The following ALG12 variants were observed in gnomAD, a reference collection of about 807,000 sequenced individuals.
ALG12 encodes ALG12 alpha-1,6-mannosyltransferase, also known as dol-P-Man:Man(7)GlcNAc(2)-PP-Dol alpha-1,6-mannosyltransferase.
In ALG12, 36 loss-of-function variants were observed where a neutral mutation model predicts 46.0. That is an observed-to-expected ratio of 0.78 (90% CI 0.60 to 1.03). The LOEUF is 1.03. ALG12 is among the 50% of genes least tolerant of loss of function. ALG12 has a pLI of 0.00. For synonymous variants in ALG12, 326 were observed against 291.6 expected (o/e 1.12, Z -1.20); for missense variants, 599 against 633.5 (o/e 0.95, Z 0.58).
chr22:49,869,990 C>G, the ALG12 span, among the ~76,000 whole-genome samples: 8 of 152,134 alleles, frequency 5.3e-5, no homozygotes, highest in Non-Finnish European at 8.8e-5. Flanking sequence ...ACTCCTCACT[C>G]TCGCAGTCCC....
At chr22:49,885,708 C>T in the ALG12 span, 2 of 1,608,536 alleles carry the variant, frequency 1.2e-6, no homozygotes, top group South Asian at 1.1e-5. Flanking sequence ...TTGGCTTTAA[C>T]AGGCTGCTTG....
the ALG12 span, chr22:49,886,987 G>A: frequency 6.2e-7 from 1 of 1,614,086 alleles, no homozygotes; most frequent in Non-Finnish European, 8.5e-7. This position sits in a 1 kb window ranked among gnomAD's most constrained non-coding sequence, Gnocchi z 7.7. Flanking sequence ...CCTGAAGAAG[G>A]CGTCCTGGCC....
chr22:49,871,793 C>T, the ALG12 span, among the ~76,000 whole-genome samples: 3 of 148,714 alleles, frequency 2.0e-5, no homozygotes, highest in African/African-American at 4.9e-5. Flanking sequence ...CTTACTCTGT[C>T]GCCCAGGGTG....
the ALG12 span, chr22:49,885,237 T>G: frequency 6.2e-7 from 1 of 1,611,248 alleles, no homozygotes; most frequent in Non-Finnish European, 8.5e-7. Context: ...ACTCTCCGTA[T>G]GCCACTTTGG....
At chr22:49,878,652 C>A in the ALG12 span, among the ~76,000 whole-genome samples, 3 of 152,204 alleles carry the variant, frequency 2.0e-5, no homozygotes, top group African/African-American at 7.2e-5. Flanking sequence ...GCAAAGATTT[C>A]TTTGGTACAA....
intron 1 of ALG12, among the ~76,000 whole-genome samples, chr22:49,914,691 G>A (rs1052919266): frequency 1.3e-5 from 2 of 152,256 alleles, no homozygotes; most frequent in African/African-American, 4.8e-5. Flanking sequence ...AGGGCCAGAA[G>A]CAAAGGGAGA....
the ALG12 span, among the ~76,000 whole-genome samples, chr22:49,891,918 C>G: frequency 6.6e-6 from 1 of 152,174 alleles, no homozygotes; most frequent in Admixed American, 6.5e-5. Context: ...GAGGCAGCAA[C>G]TGCTATCAGA....
the ALG12 span, among the ~76,000 whole-genome samples, chr22:49,859,889 T>C: frequency 6.6e-6 from 1 of 151,396 alleles, no homozygotes; most frequent in African/African-American, 2.4e-5. Flanking sequence ...CAGCTGGGCA[T>C]GATGGTATGT....
At chr22:49,882,916 A>T in the ALG12 span, among the ~76,000 whole-genome samples, 1 of 152,212 alleles carries the variant, frequency 6.6e-6, no homozygotes, top group Non-Finnish European at 1.5e-5. Flanking sequence ...AGAGTTTTTC[A>T]AATTCGTATT....
At chr22:49,886,294 G>A in the ALG12 span, 8 of 1,499,594 alleles carry the variant, frequency 5.3e-6, no homozygotes, top group South Asian at 1.2e-5. The surrounding 1 kb of genome is among the most constrained non-coding windows in gnomAD (Gnocchi z 7.7). Context: ...GAGGGAGTAC[G>A]CGCTGCCTCA....
chr22:49,861,059 A>G, the ALG12 span, among the ~76,000 whole-genome samples: 1 of 152,066 alleles, frequency 6.6e-6, no homozygotes, highest in Non-Finnish European at 1.5e-5. Context: ...AATGGGCATG[A>G]GCCACCATGC....
the ALG12 span, among the ~76,000 whole-genome samples, chr22:49,891,460 C>T: frequency 6.6e-6 from 1 of 152,172 alleles, no homozygotes; most frequent in Non-Finnish European, 1.5e-5. Flanking sequence ...CAATATTTTC[C>T]TTGCAAATTG....
the ALG12 span, among the ~76,000 whole-genome samples, chr22:49,879,201 T>C: frequency 6.7e-6 from 1 of 149,062 alleles, no homozygotes; most frequent in East Asian, 2.0e-4. Context: ...CTCGGCTCAC[T>C]GTAACTTGCG....
intron 3 of ALG12, among the ~76,000 whole-genome samples, chr22:49,910,861 G>A (rs1010518024): frequency 6.6e-6 from 1 of 152,344 alleles, no homozygotes; most frequent in South Asian, 2.1e-4. Context: ...GAAGCATGAG[G>A]GAGGACACAC....
At chr22:49,870,302 G>GT in the ALG12 span, among the ~76,000 whole-genome samples, 2 of 152,090 alleles carry the variant, frequency 1.3e-5, no homozygotes, top group African/African-American at 2.4e-5. Context: ...TGTACATGGG[G>GT]TTTTTTTGTA....
chr22:49,910,325 G>C, intron 4 of ALG12, 109 bp downstream of exon 4: 1 of 1,439,204 alleles, frequency 6.9e-7, no homozygotes. Context: ...GAGGAACCCA[G>C]TGGGGAATGG....
At chr22:49,918,163 T>TCCAGCG (rs889788953) in intron 1 of ALG12, 100 bp downstream of exon 1, 7 of 152,366 alleles carry the variant, frequency 4.6e-5, no homozygotes, top group South Asian at 2.0e-4. Context: ...GCCTCAGGAA[T>TCCAGCG]CCAGCGCCAG....
Position 49,913,377 on chromosome 22 carries a change from C to T in ALG12, c.295+8G>A. On this transcript the variant is annotated splice_region_variant and intron_variant, in intron 3 of 9. Coordinates refer to ENST00000330817, the MANE Select transcript of ALG12 (RefSeq NM_024105.4). ...CACTCCCTCCTCCTTTGTTGAAGACCCCCTTACCTATTAGCTGAGAGTAAA... is the reference window on the plus strand; with the variant it reads ...CACTCCCTCCTCCTTTGTTGAAGACTCCCTTACCTATTAGCTGAGAGTAAA... 1 of 1,613,760 alleles carries T rather than the reference C, an allele frequency of 6.2e-7. No homozygotes were observed. Among genetic ancestry groups the T allele is most frequent in the Non-Finnish European group, 8.5e-7 (1 of 1,180,042 alleles).
chr22:49,886,404 C>G, the ALG12 span: 23 of 1,605,270 alleles, frequency 1.4e-5, no homozygotes, highest in Non-Finnish European at 1.9e-5. The surrounding 1 kb of genome is among the most constrained non-coding windows in gnomAD (Gnocchi z 7.7). Context: ...AGATGTCCGT[C>G]GAGTGTAACT....
Sources: allele counts gnomAD v4.1 joint callset (sites outside exome capture counted in the v4.1 genomes callset), GRCh38; gene constraint gnomAD v4.1.1; non-coding constraint Gnocchi (gnomAD v3.1); transcripts MANE v1.5; gene names NCBI Gene and HGNC (gene_info 2026-07-23, HGNC 2026-07-21).